POT1: variants seen among roughly 807,000 people sequenced by gnomAD.
The protein encoded by POT1 is protection of telomeres 1, also known as protection of telomeres protein 1.
Under a neutral mutation model 78.5 loss-of-function variants are expected in POT1, and 47 were observed. That is an observed-to-expected ratio of 0.60 (90% CI 0.47 to 0.76). The LOEUF is 0.76. Ranked by LOEUF, POT1 falls within the 30% of genes least tolerant of loss-of-function variation. The pLI, the probability that POT1 is intolerant of heterozygous loss-of-function variation, is 0.00. For missense variants in POT1, 646 were observed against 749.9 expected (o/e 0.86, Z 1.62); for synonymous variants, 259 against 260.7 (o/e 0.99, Z 0.06).
intron 2 of POT1, among the ~76,000 whole-genome samples, chr7:124,925,913 G>C (rs190022611): frequency 6.6e-6 from 1 of 152,198 alleles, no homozygotes; most frequent in Admixed American, 6.5e-5. Context: ...ACATGCAGAA[G>C]AGTGAAACTG....
At chr7:124,836,592 C>T (rs1794905426) in intron 14 of POT1, among the ~76,000 whole-genome samples, 1 of 152,174 alleles carries the variant, frequency 6.6e-6, no homozygotes, top group Non-Finnish European at 1.5e-5. Flanking sequence ...TCCCCAAAAA[C>T]ACTATTTCAA....
intron 6 of POT1, among the ~76,000 whole-genome samples, chr7:124,882,522 A>G (rs947985812): frequency 6.6e-6 from 1 of 152,022 alleles, no homozygotes; most frequent in Non-Finnish European, 1.5e-5. Flanking sequence ...ATATGTTATG[A>G]TATAATAAAT....
intron 6 of POT1, among the ~76,000 whole-genome samples, chr7:124,876,840 T>C (rs1480442837): frequency 6.6e-6 from 1 of 152,230 alleles, no homozygotes; most frequent in African/African-American, 2.4e-5. Context: ...CTGACTGTTC[T>C]ACTCTACATA....
At chr7:124,870,670 C>A (rs532367130) in intron 7 of POT1, among the ~76,000 whole-genome samples, 1 of 152,106 alleles carries the variant, frequency 6.6e-6, no homozygotes, top group South Asian at 2.1e-4. Context: ...CAGAATGGAA[C>A]CAGTTTTAAT....
chr7:124,843,709 T>G (rs1795087579), intron 12 of POT1, among the ~76,000 whole-genome samples: 1 of 152,232 alleles, frequency 6.6e-6, no homozygotes, highest in Admixed American at 6.5e-5. Context: ...ACCCTTAGCT[T>G]AAGGCAACAG....
intron 6 of POT1, among the ~76,000 whole-genome samples, chr7:124,880,918 G>A (rs990396362): frequency 2.0e-5 from 3 of 151,960 alleles, no homozygotes; most frequent in Admixed American, 1.3e-4. Context: ...TATACTTACA[G>A]TAGCAATACT....
chr7:124,890,477 T>C (rs1276958063), intron 6 of POT1, among the ~76,000 whole-genome samples: 1 of 151,978 alleles, frequency 6.6e-6, no homozygotes, highest in Non-Finnish European at 1.5e-5. Flanking sequence ...AAATAAGTTC[T>C]ACTGTGAATA....
chr7:124,859,656 G>A (rs528672079), intron 8 of POT1, among the ~76,000 whole-genome samples: 177 of 150,394 alleles, frequency 1.2e-3, no homozygotes, highest in African/African-American at 3.9e-3. Flanking sequence ...TCTCCAAACC[G>A]TATTACAGGT....
chr7:124,884,646 C>A lies in POT1; in HGVS notation c.124+7620G>T, dbSNP rs891495092. ...AAGGACTCAAAATTTGAGGAAAGAA[C>A]AAAAAGAAGGAGAGGCAAACAATGA... is the stretch of plus-strand genomic sequence containing the variant. On this transcript the variant is annotated intron_variant, in intron 6 of 18. Transcript: ENST00000357628. 3.1e-3 allele frequency among the ~76,000 whole-genome samples: 466 copies of A among 151,998 alleles called. 4 individuals carry two copies. Among genetic ancestry groups the A allele is most frequent in the African/African-American group, 0.011 (443 of 41,488 alleles).
chr7:124,877,143 A>T (rs2116585575), intron 6 of POT1, among the ~76,000 whole-genome samples: 1 of 152,328 alleles, frequency 6.6e-6, no homozygotes, highest in South Asian at 2.1e-4. Flanking sequence ...TAGAGAATAA[A>T]ACAAGTTACC....
intron 9 of POT1, among the ~76,000 whole-genome samples, chr7:124,854,348 G>A (rs1795390436): frequency 6.6e-6 from 1 of 151,698 alleles, no homozygotes; most frequent in African/African-American, 2.4e-5. Context: ...AAAGCAAAGG[G>A]TTCACTCGCA....
intron 16 of POT1, among the ~76,000 whole-genome samples, chr7:124,828,473 T>TTA (rs1467484361): frequency 2.6e-5 from 4 of 152,122 alleles, no homozygotes; most frequent in African/African-American, 4.8e-5. Flanking sequence ...TATAACTAAT[T>TTA]AACAGGGAAA....
At chr7:124,842,620 C>G (rs998259583) in intron 13 of POT1, among the ~76,000 whole-genome samples, 187 bp downstream of exon 13, 2 of 151,964 alleles carry the variant, frequency 1.3e-5, no homozygotes, top group African/African-American at 4.8e-5. Context: ...ATAGCACCCA[C>G]TTTTATTACT....
At chr7:124,832,737 G>A (rs191065782) in intron 15 of POT1, among the ~76,000 whole-genome samples, 101 of 151,152 alleles carry the variant, frequency 6.7e-4, no homozygotes, top group Middle Eastern at 3.4e-3. Flanking sequence ...CAGGAGAATC[G>A]CTTGAACCGG....
At chr7:124,858,924 C>A (rs370876324) in intron 9 of POT1, 33 bp downstream of exon 9, 2 of 1,517,022 alleles carry the variant, frequency 1.3e-6, no homozygotes, top group East Asian at 2.3e-5. Context: ...TTTATAAAAA[C>A]ATAAAATAAC....
At chr7:124,880,910 T>A (rs527993783) in intron 6 of POT1, among the ~76,000 whole-genome samples, 1 of 152,014 alleles carries the variant, frequency 6.6e-6, no homozygotes, top group East Asian at 1.9e-4. Context: ...GGCTCAGATA[T>A]ACTTACAGTA....
intron 3 of POT1, among the ~76,000 whole-genome samples, chr7:124,902,751 A>G (rs998799669): frequency 6.6e-6 from 1 of 152,074 alleles, no homozygotes; most frequent in African/African-American, 2.4e-5. Context: ...AATCGTCAAG[A>G]CCCCTCAGTG....
chr7:124,877,939 T>A (rs1782729711), intron 6 of POT1, among the ~76,000 whole-genome samples: 1 of 151,786 alleles, frequency 6.6e-6, no homozygotes, highest in South Asian at 2.1e-4. Context: ...TTCCTTCTTT[T>A]TTCCACATAA....
At chr7:124,861,996 G>A (rs1795609601) in intron 8 of POT1, among the ~76,000 whole-genome samples, 2 of 152,060 alleles carry the variant, frequency 1.3e-5, no homozygotes, top group Non-Finnish European at 2.9e-5. Context: ...ATGCTTTTTT[G>A]GTTACTGTAG....
Sources: gnomAD v4.1 joint callset for allele counts (sites outside exome capture counted in the v4.1 genomes callset) on GRCh38, gnomAD v4.1.1 for gene constraint, MANE v1.5 for transcripts, NCBI Gene and HGNC (gene_info 2026-07-23, HGNC 2026-07-21) for gene names.